The following NLRC4 variants were observed in gnomAD, a reference collection of about 807,000 sequenced individuals.
NLRC4 encodes the protein NLR family CARD domain containing 4.
A neutral mutation model predicts 79.9 loss-of-function variants in NLRC4; 63 were observed. That is an observed-to-expected ratio of 0.79 (90% CI 0.64 to 0.97). NLRC4 has a LOEUF of 0.97. NLRC4 is among the 50% of genes least tolerant of loss of function. The pLI, the probability that NLRC4 is intolerant of heterozygous loss-of-function variation, is 0.00. For synonymous variants in NLRC4, 461 were observed against 456.5 expected, an observed-to-expected ratio of 1.01 and a Z score of -0.12; for missense variants, 1,074 against 1,215.2, an observed-to-expected ratio of 0.88 and a Z score of 1.73.
At chr2:32,245,710 C>T (rs1686919414) in intron 4 of NLRC4, among the ~76,000 whole-genome samples, 1 of 152,062 alleles carries the variant, frequency 6.6e-6, no homozygotes, top group African/African-American at 2.4e-5. Context: ...ATGCCTGGAT[C>T]AAAGCATCTC....
intron 8 of NLRC4, 45 bp from the exon 9 acceptor site, chr2:32,224,810 TA>T (rs199998217): frequency 4.1e-5 from 40 of 981,196 alleles, no homozygotes; most frequent in South Asian, 7.8e-5. Flanking sequence ...AAATTTTTTT[TA>T]AAAAAAAAGA....
intron 8 of NLRC4, among the ~76,000 whole-genome samples, chr2:32,225,646 C>T (rs866948647): frequency 6.6e-6 from 1 of 152,166 alleles, no homozygotes; most frequent in South Asian, 2.1e-4. Flanking sequence ...TTGTGCAAAG[C>T]GTTAGCCCTA....
intron 2 of NLRC4, among the ~76,000 whole-genome samples, chr2:32,254,680 G>A (rs189239290): frequency 2.8e-5 from 4 of 143,968 alleles, no homozygotes; most frequent in Admixed American, 7.3e-5. Flanking sequence ...GTGCAATGGC[G>A]CGATCTCAGC....
intron 4 of NLRC4, among the ~76,000 whole-genome samples, chr2:32,249,382 T>C (rs1282000118): frequency 2.6e-5 from 4 of 152,218 alleles, no homozygotes; most frequent in Non-Finnish European, 5.9e-5. Flanking sequence ...CTGTTGAATA[T>C]GTATGTTTAG....
At chr2:32,256,045 T>A (rs902626891) in intron 2 of NLRC4, among the ~76,000 whole-genome samples, 4 of 151,910 alleles carry the variant, frequency 2.6e-5, no homozygotes, top group African/African-American at 7.3e-5. Flanking sequence ...AAAAAAAATA[T>A]ATATATAAAC....
intron 8 of NLRC4, among the ~76,000 whole-genome samples, chr2:32,235,114 C>G (rs1686641697): frequency 6.6e-6 from 1 of 152,076 alleles, no homozygotes; most frequent in African/African-American, 2.4e-5. Flanking sequence ...AGGGGCATTG[C>G]TGAATTTCAG....
At chr2:32,248,103 G>T (rs930347859) in intron 4 of NLRC4, among the ~76,000 whole-genome samples, 1 of 151,914 alleles carries the variant, frequency 6.6e-6, no homozygotes, top group African/African-American at 2.4e-5. Flanking sequence ...GAAATATATC[G>T]ATATAACAAA....
At chr2:32,262,075 G>T (rs933990281) in intron 1 of NLRC4, among the ~76,000 whole-genome samples, 1 of 151,860 alleles carries the variant, frequency 6.6e-6, no homozygotes, top group Non-Finnish European at 1.5e-5. Flanking sequence ...GCGAGACTCT[G>T]GGTCAAAAAA....
chr2:32,231,582 GGGT>G (rs1686539467), intron 8 of NLRC4, among the ~76,000 whole-genome samples: 4 of 106,580 alleles, frequency 3.8e-5, no homozygotes, highest in African/African-American at 1.4e-4. Context: ...TGTGGGGGGG[GGGT>G]GGGGGACTGG....
chr2:32,242,450 C>T (rs112476914), intron 4 of NLRC4, among the ~76,000 whole-genome samples: 1,965 of 152,266 alleles, frequency 0.013, 44 homozygotes, highest in African/African-American at 0.044. Context: ...AAACTACCAA[C>T]ACTCATGTGA....
rs1181072585 is a variant in NLRC4 at position 32,224,499 on chromosome 2, C to CT, written c.3048dup (p.Gly1017ArgfsTer4). 6.2e-7 allele frequency: 1 copy of CT among 1,608,716 alleles called. No individual in the cohort carries two copies. The highest frequency in any genetic ancestry group is 1.3e-5 in the African/African-American group (1 of 74,628). ...TAAGCAGTTACTAGTTTAAAAGCAC[C>CT]TGTAATAACACTGAGATCATCATCA... On this transcript the variant is annotated frameshift_variant, in exon 9 of 9. Transcript: ENST00000402280. LOFTEE classifies it high-confidence loss of function.
At chr2:32,230,296 G>A (rs1686500234) in intron 8 of NLRC4, among the ~76,000 whole-genome samples, 1 of 152,180 alleles carries the variant, frequency 6.6e-6, no homozygotes, top group Non-Finnish European at 1.5e-5. Context: ...AACACAGTAA[G>A]ATTGCCAGGA....
intron 8 of NLRC4, among the ~76,000 whole-genome samples, chr2:32,225,842 C>T (rs777530726): frequency 6.6e-6 from 1 of 152,154 alleles, no homozygotes; most frequent in Non-Finnish European, 1.5e-5. Context: ...TCATCTTAGT[C>T]TTAGTGTACC....
intron 8 of NLRC4, among the ~76,000 whole-genome samples, chr2:32,229,108 A>G (rs1686471341): frequency 6.6e-6 from 1 of 152,102 alleles, no homozygotes; most frequent in Non-Finnish European, 1.5e-5. Flanking sequence ...AAGTTGAAAG[A>G]TACCATTTAA....
intron 1 of NLRC4, among the ~76,000 whole-genome samples, chr2:32,261,237 C>T (rs1313992906): frequency 6.6e-6 from 1 of 150,582 alleles, no homozygotes; most frequent in Non-Finnish European, 1.5e-5. Flanking sequence ...CACAAAACCA[C>T]TCACTCAGGT....
At chr2:32,226,560 C>CTTT (rs1228367352) in intron 8 of NLRC4, among the ~76,000 whole-genome samples, 1 of 152,198 alleles carries the variant, frequency 6.6e-6, no homozygotes, top group Non-Finnish European at 1.5e-5. Context: ...ATCTTTGGGC[C>CTTT]TTCTTTGCCA....
chr2:32,246,053 G>A (rs1475660684), intron 4 of NLRC4, among the ~76,000 whole-genome samples: 1 of 152,066 alleles, frequency 6.6e-6, no homozygotes, highest in Non-Finnish European at 1.5e-5. Context: ...GTGTGGTGGT[G>A]CATGCCTGTA....
chr2:32,224,638 A>C lies in NLRC4; in HGVS notation c.2910T>G (p.Phe970Leu). Residue 970 changes from phenylalanine (F) to leucine (L), a missense_variant, in exon 9 of 9, where the codon TTT becomes TTG. Transcript: ENST00000402280. ...GTAGAAATTCTTTAGTACTAAAGTC[A>C]AAAAACACTAATTGCTTAAGATTCT... ...VFENLKQLVFFDFSTKEFLPD... is the reference protein window; with the variant it reads ...VFENLKQLVFLDFSTKEFLPD... The C allele has an allele frequency of 6.2e-7, 1 of 1,613,578 alleles. No homozygotes were observed. Among genetic ancestry groups the C allele is most frequent in the South Asian group, 1.1e-5 (1 of 91,054 alleles).
At position 32,256,969 on chromosome 2, in the gene NLRC4, T is replaced by C. The variant is rs1573501840; in HGVS notation, c.-118-76A>G. On this transcript the variant is annotated intron_variant, in intron 1 of 8. Coordinates refer to ENST00000402280, the MANE Select transcript of NLRC4 (RefSeq NM_001199138.2). ...GCAATTATCTAGGTAATGCCCCGCT[T>C]TTCATAGATGAGAAAATGGTGACCC... 2.5e-5 allele frequency: 13 copies of C among 526,180 alleles called. No individual in the cohort carries two copies. The East Asian group carries it at 3.2e-4, about 13-fold the overall frequency. The allele number at this position is 526,180 out of a possible 1,614,324, so 32.6% of individuals were successfully genotyped here.
Sources: gnomAD v4.1 joint callset for allele counts (sites outside exome capture counted in the v4.1 genomes callset) on GRCh38, gnomAD v4.1.1 for gene constraint, MANE v1.5 for transcripts, NCBI Gene and HGNC (gene_info 2026-07-23, HGNC 2026-07-21) for gene names.